The following SV2C variants were observed in gnomAD, a reference collection of about 807,000 sequenced individuals.
The protein encoded by SV2C is solute carrier family 22 member B3.
A neutral mutation model predicts 79.7 loss-of-function variants in SV2C; 49 were observed. The observed-to-expected ratio is 0.61, with a 90% CI of 0.49 to 0.78. The LOEUF (loss-of-function observed/expected upper bound fraction) is 0.78. Ranked by LOEUF, SV2C falls within the 30% of genes least tolerant of loss-of-function variation. The probability of loss-of-function intolerance (pLI) is 0.00; values close to 1 mark genes in which losing one functional copy is unlikely to be tolerated. For synonymous variants in SV2C, 334 were observed against 333.2 expected (o/e 1.00, Z -0.03); for missense variants, 833 against 912.9 (o/e 0.91, Z 1.13).
intron 4 of SV2C, among the ~76,000 whole-genome samples, chr5:76,213,760 A>G (rs1423421753): frequency 6.6e-6 from 1 of 152,212 alleles, no homozygotes; most frequent in Non-Finnish European, 1.5e-5. Context: ...AGCAAGTTTC[A>G]AGTATACAGT....
downstream of SV2C, among the ~76,000 whole-genome samples, chr5:76,337,832 C>CT (rs920319167): frequency 1.3e-5 from 2 of 151,970 alleles, no homozygotes; most frequent in African/African-American, 4.8e-5. Flanking sequence ...AATGTGCTCT[C>CT]TCTGCACAGT....
chr5:75,952,282 C>CCTTT, the SV2C span, among the ~76,000 whole-genome samples: 2 of 127,218 alleles, frequency 1.6e-5, no homozygotes, highest in African/African-American at 2.9e-5. Context: ...TTCCTTCCTT[C>CCTTT]CTTCCTTTCT....
chr5:75,921,596 G>T, the SV2C span: 2 of 971,376 alleles, frequency 2.1e-6, no homozygotes, highest in Non-Finnish European at 1.6e-6. Flanking sequence ...GTTGTAGGAG[G>T]TGACAATTGT....
the SV2C span, among the ~76,000 whole-genome samples, chr5:75,931,620 G>A: frequency 2.6e-5 from 4 of 152,140 alleles, no homozygotes; most frequent in Admixed American, 1.3e-4. Context: ...CAAATGGAAA[G>A]CTAAGGCCAC....
the SV2C span, among the ~76,000 whole-genome samples, chr5:75,899,153 G>A: frequency 1.3e-5 from 2 of 152,046 alleles, no homozygotes; most frequent in Admixed American, 1.3e-4. Flanking sequence ...TCTTTTAATT[G>A]CAATGTTAGG....
intron 4 of SV2C, among the ~76,000 whole-genome samples, chr5:76,272,701 C>G (rs1176793133): frequency 6.6e-6 from 1 of 152,156 alleles, no homozygotes; most frequent in Non-Finnish European, 1.5e-5. Context: ...GGTAGAGACA[C>G]AAGATCTTAG....
intron 4 of SV2C, among the ~76,000 whole-genome samples, chr5:76,231,199 A>C (rs115629852): frequency 2.8e-3 from 420 of 152,320 alleles, no homozygotes; most frequent in Non-Finnish European, 5.0e-3. Context: ...TCTGTGCAAT[A>C]GATCACTAAA....
chr5:76,302,475 A>T (rs558851484), intron 12 of SV2C, among the ~76,000 whole-genome samples: 1 of 152,024 alleles, frequency 6.6e-6, no homozygotes, highest in East Asian at 1.9e-4. Context: ...AAATACAAAA[A>T]AAAACCTAGC....
chr5:76,066,566 G>A, the SV2C span, among the ~76,000 whole-genome samples: 53 of 151,698 alleles, frequency 3.5e-4, 1 homozygote, highest in South Asian at 0.011. Context: ...TAACAAACCT[G>A]CACGTTGTGC....
chr5:76,059,489 T>TC, the SV2C span, among the ~76,000 whole-genome samples: 53 of 150,754 alleles, frequency 3.5e-4, no homozygotes, highest in South Asian at 8.8e-3. Flanking sequence ...AAGAAATCCT[T>TC]TTTTTTTTTC....
intron 12 of SV2C, among the ~76,000 whole-genome samples, chr5:76,347,057 G>GA (rs1580092615): frequency 6.6e-6 from 1 of 152,162 alleles, no homozygotes; most frequent in Admixed American, 6.5e-5. Context: ...AAGTGAGAGG[G>GA]AAAAAAGAGG....
At chr5:76,197,941 CCCAAAGT>C (rs1214987249) in intron 3 of SV2C, among the ~76,000 whole-genome samples, 1 of 152,142 alleles carries the variant, frequency 6.6e-6, no homozygotes, top group Admixed American at 6.5e-5. Flanking sequence ...TAGTGCAAGT[CCCAAAGT>C]CCAAAGGCCA....
chr5:76,133,939 G>T (rs1386156107), intron 2 of SV2C, among the ~76,000 whole-genome samples: 2 of 152,108 alleles, frequency 1.3e-5, no homozygotes, highest in Non-Finnish European at 2.9e-5. Context: ...ATAATTGCCA[G>T]CTTAAATTTA....
In SV2C at chr5:76,210,613, T is replaced by A. The variant is rs80110789; in HGVS notation, c.913+726T>A. Among the ~76,000 whole-genome samples the A allele has an allele frequency of 5.8e-3, 883 of 152,318 alleles. 10 individuals carry two copies. Among genetic ancestry groups the A allele is most frequent in the African/African-American group, 0.02 (842 of 41,562 alleles). On this transcript the variant is annotated intron_variant, in intron 4 of 12. Transcript: ENST00000502798. The stretch of plus-strand genomic sequence containing the variant: ...CTCTCCAAACTCCATAGTTCAGGGA[T>A]TTTTATAGAGGTTTCTATAGGCATG...
At chr5:75,939,143 C>T in the SV2C span, among the ~76,000 whole-genome samples, 2 of 152,144 alleles carry the variant, frequency 1.3e-5, no homozygotes, top group African/African-American at 4.8e-5. Context: ...ATACTCCAGC[C>T]CCAGCCTCCT....
intron 1 of SV2C, among the ~76,000 whole-genome samples, chr5:76,127,908 T>G (rs1580288518): frequency 6.6e-6 from 1 of 152,114 alleles, no homozygotes; most frequent in African/African-American, 2.4e-5. Flanking sequence ...CCGCCCTGCT[T>G]CCATCGCTCC....
the SV2C span, among the ~76,000 whole-genome samples, chr5:75,855,124 T>G: frequency 1.3e-5 from 2 of 152,146 alleles, no homozygotes; most frequent in Non-Finnish European, 2.9e-5. Flanking sequence ...TTAAAATAAT[T>G]TTAGGGCTCA....
At chr5:76,311,095 C>T (rs1422944769) in intron 12 of SV2C, 1 of 152,232 alleles carries the variant, frequency 6.6e-6, no homozygotes, top group Admixed American at 6.5e-5. Context: ...GACTGACTTG[C>T]CCAGGGCTAG....
the SV2C span, among the ~76,000 whole-genome samples, chr5:75,945,490 A>T: frequency 6.5e-3 from 981 of 151,078 alleles, 10 homozygotes; most frequent in African/African-American, 0.021. Context: ...TATTATTATT[A>T]TTTTTTTTGG....
Sources: gnomAD v4.1 joint callset for allele counts (sites outside exome capture counted in the v4.1 genomes callset) on GRCh38, gnomAD v4.1.1 for gene constraint, MANE v1.5 for transcripts, NCBI Gene and HGNC (gene_info 2026-07-23, HGNC 2026-07-21) for gene names.